TM9SF2: variants seen among roughly 807,000 people sequenced by gnomAD.
The protein encoded by TM9SF2 is transmembrane 9 superfamily member 2, also known as 76 kDa membrane protein.
A neutral mutation model predicts 84.9 loss-of-function variants in TM9SF2; 13 were observed. That is an observed-to-expected ratio of 0.15 (90% CI 0.10 to 0.24). The LOEUF (loss-of-function observed/expected upper bound fraction) is 0.24, where lower values mean the gene tolerates loss of function less well. TM9SF2 is among the 10% of genes least tolerant of loss of function. The pLI is 1.00. For synonymous variants in TM9SF2, 273 were observed against 285.8 expected (o/e 0.96, Z 0.45); for missense variants, 562 against 818.5 (o/e 0.69, Z 3.82).
chr13:99,537,731 T>C lies in TM9SF2; in HGVS notation c.592-8T>C. On this transcript the variant is annotated splice_polypyrimidine_tract_variant and splice_region_variant and intron_variant, in intron 5 of 16. Transcript: ENST00000376387. The stretch of plus-strand genomic sequence containing the variant: ...TTCTACCTTTAACTTTTAAGTTCTG[T>C]TCTGCAGTCAGATTTCCATGAAAGA... 6.2e-7 allele frequency: 1 copy of C among 1,600,110 alleles called. No individual in the cohort carries two copies. The highest frequency in any genetic ancestry group is 1.7e-4 in the Middle Eastern group (1 of 5,790).
intron 4 of TM9SF2, among the ~76,000 whole-genome samples, chr13:99,530,622 A>T (rs1466984238): frequency 2.6e-5 from 4 of 152,224 alleles, no homozygotes; most frequent in African/African-American, 4.8e-5. Context: ...TAGTGAAAAC[A>T]TTGTTTTATA....
chr13:99,523,702 G>C (rs980399547), intron 3 of TM9SF2, among the ~76,000 whole-genome samples: 3 of 152,210 alleles, frequency 2.0e-5, no homozygotes, highest in African/African-American at 7.2e-5. Flanking sequence ...GCCAGGCACT[G>C]TGATGGGATA....
chr13:99,517,534 A>G, intron 1 of TM9SF2, 80 bp from the exon 2 acceptor site: 1 of 908,308 alleles, frequency 1.1e-6, no homozygotes, highest in Non-Finnish European at 1.6e-6. Context: ...GACATGTCAA[A>G]TTCTTTTTTA....
Position 99,501,661 on chromosome 13 carries a change from C to T in TM9SF2, c.55C>T (p.Leu19=). Residue 19 remains leucine, a synonymous_variant, in exon 1 of 17, where the codon CTG becomes TTG. Transcript: ENST00000376387. ...ACCTCGGTGGCCGCGGCTGTTGCTGCTGTCGCTGCTCCTGCTGGGGGCGGT... is the reference window on the plus strand; with the variant it reads ...ACCTCGGTGGCCGCGGCTGTTGCTGTTGTCGCTGCTCCTGCTGGGGGCGGT... ...SPPRWPRLLL[L]SLLLLGAVPG... is the part of the protein sequence containing the mutation. 6.2e-7 allele frequency: 1 copy of T among 1,613,344 alleles called. No homozygotes were observed. Among genetic ancestry groups the T allele is most frequent in the Non-Finnish European group, 8.5e-7 (1 of 1,179,766 alleles).
intron 10 of TM9SF2, among the ~76,000 whole-genome samples, chr13:99,544,406 G>A (rs891964600): frequency 6.6e-6 from 1 of 151,708 alleles, no homozygotes; most frequent in Non-Finnish European, 1.5e-5. Flanking sequence ...TTATTTCTGA[G>A]CATCCTTTAG....
Position 99,501,538 on chromosome 13 carries a change from C to G in TM9SF2, c.-69C>G. 4 of 1,551,142 alleles carry G rather than the reference C, an allele frequency of 2.6e-6. No homozygotes were observed. Among genetic ancestry groups the G allele is most frequent in the Non-Finnish European group, 3.5e-6 (4 of 1,148,280 alleles). On this transcript the variant is annotated 5_prime_UTR_variant, in exon 1 of 17. Coordinates refer to ENST00000376387, the MANE Select transcript of TM9SF2 (RefSeq NM_004800.3). ...TCTCTGGCGGCCTTGTAGTCGTCTC[C>G]GAGACTCCCCACCCCTCCTTCCCTC...
chr13:99,539,369 A>G (rs2139096850), intron 6 of TM9SF2, 77 bp from the exon 7 acceptor site: 1 of 872,394 alleles, frequency 1.1e-6, no homozygotes, highest in Non-Finnish European at 1.9e-6. Flanking sequence ...TAAAATACGT[A>G]CAAAATCTGT....
chr13:99,507,806 A>G (rs1025235737), intron 1 of TM9SF2, among the ~76,000 whole-genome samples: 7 of 152,196 alleles, frequency 4.6e-5, no homozygotes, highest in Admixed American at 4.6e-4. Flanking sequence ...ACCCTTGTAC[A>G]GTCACATCTC....
At chr13:99,515,785 T>G (rs1248233285) in intron 1 of TM9SF2, among the ~76,000 whole-genome samples, 1 of 142,688 alleles carries the variant, frequency 7.0e-6, no homozygotes, top group East Asian at 2.0e-4. Context: ...CAGGCTGGAG[T>G]GTAGTGGTGT....
chr13:99,524,882 C>T (rs1333500785), intron 3 of TM9SF2, among the ~76,000 whole-genome samples: 1 of 151,404 alleles, frequency 6.6e-6, no homozygotes, highest in Non-Finnish European at 1.5e-5. Context: ...TTTTATAGGT[C>T]GGGAGGATGG....
intron 1 of TM9SF2, among the ~76,000 whole-genome samples, chr13:99,502,813 G>A (rs1295015569): frequency 6.6e-6 from 1 of 152,108 alleles, no homozygotes; most frequent in African/African-American, 2.4e-5. Context: ...TATTTATTAA[G>A]TTTGATTTTT....
intron 4 of TM9SF2, among the ~76,000 whole-genome samples, chr13:99,531,891 A>T (rs2046211539): frequency 6.6e-6 from 1 of 152,194 alleles, no homozygotes; most frequent in African/African-American, 2.4e-5. Flanking sequence ...ATTGTTAAGT[A>T]ATTGAAATTT....
At chr13:99,520,174 G>C (rs764634087) in intron 3 of TM9SF2, 45 bp downstream of exon 3, 1 of 1,521,374 alleles carries the variant, frequency 6.6e-7, no homozygotes, top group East Asian at 2.3e-5. Context: ...TACAGCTTTT[G>C]TTTTTGTTAT....
At chr13:99,518,307 C>T (rs1232407152) in intron 2 of TM9SF2, among the ~76,000 whole-genome samples, 1 of 152,182 alleles carries the variant, frequency 6.6e-6, no homozygotes, top group African/African-American at 2.4e-5. Flanking sequence ...AGATGGGTTT[C>T]ACCATGTTAG....
At chr13:99,554,979 A>G (rs974921963) in intron 14 of TM9SF2, among the ~76,000 whole-genome samples, 4 of 152,220 alleles carry the variant, frequency 2.6e-5, no homozygotes, top group African/African-American at 9.6e-5. Context: ...GTAAAAACTC[A>G]TAATAGTCAT....
intron 12 of TM9SF2, among the ~76,000 whole-genome samples, chr13:99,551,213 A>G (rs770738251): frequency 1.3e-5 from 2 of 152,258 alleles, no homozygotes; most frequent in Non-Finnish European, 2.9e-5. Flanking sequence ...CTACAAGATT[A>G]TTAACTCGAA....
chr13:99,555,402 G>T, intron 14 of TM9SF2, 134 bp from the exon 15 acceptor site: 1 of 651,088 alleles, frequency 1.5e-6, no homozygotes, highest in South Asian at 2.0e-5. Flanking sequence ...ATCCCAACCT[G>T]TGATAATTCG....
intron 1 of TM9SF2, among the ~76,000 whole-genome samples, chr13:99,508,667 A>G (rs143542139): frequency 6.6e-6 from 1 of 152,270 alleles, no homozygotes; most frequent in East Asian, 1.9e-4. Context: ...ATTTTTACTC[A>G]TGGCAGAAGG....
chr13:99,520,530 A>G (rs146717838), intron 3 of TM9SF2, among the ~76,000 whole-genome samples: 23 of 152,046 alleles, frequency 1.5e-4, no homozygotes, highest in African/African-American at 4.6e-4. Flanking sequence ...AGCACGTACA[A>G]TGCTGCCTGG....
Sources: gnomAD v4.1 joint callset for allele counts (sites outside exome capture counted in the v4.1 genomes callset) on GRCh38, gnomAD v4.1.1 for gene constraint, MANE v1.5 for transcripts, NCBI Gene and HGNC (gene_info 2026-07-23, HGNC 2026-07-21) for gene names.